PHF24: variants seen among roughly 807,000 people sequenced by gnomAD.
The protein encoded by PHF24 is PHD finger protein 24.
A neutral mutation model predicts 42.6 loss-of-function variants in PHF24; 25 were observed. The observed-to-expected ratio is 0.59, with a 90% CI of 0.43 to 0.82. The LOEUF is 0.82. Ranked by LOEUF, PHF24 falls within the 40% of genes least tolerant of loss-of-function variation. The pLI, the probability that PHF24 is intolerant of heterozygous loss-of-function variation, is 0.00. For missense variants in PHF24, 470 were observed against 538.1 expected (o/e 0.87, Z 1.25); for synonymous variants, 185 against 204.8 (o/e 0.90, Z 0.83).
the PHF24 span, among the ~76,000 whole-genome samples, chr9:34,912,988 T>C: frequency 6.6e-6 from 1 of 151,918 alleles, no homozygotes; most frequent in African/African-American, 2.4e-5. Context: ...AGCAAAGAAA[T>C]ATAAATTATA....
chr9:34,714,852 G>A, the PHF24 span, among the ~76,000 whole-genome samples: 1 of 152,142 alleles, frequency 6.6e-6, no homozygotes, highest in South Asian at 2.1e-4. Flanking sequence ...CAAGATACCT[G>A]CCTGTCTCCC....
the PHF24 span, among the ~76,000 whole-genome samples, chr9:34,670,472 A>G: frequency 6.6e-6 from 1 of 152,218 alleles, no homozygotes; most frequent in African/African-American, 2.4e-5. Context: ...ATACTTTCCC[A>G]CTGGATAGCT....
At chr9:34,768,846 C>G in the PHF24 span, among the ~76,000 whole-genome samples, 1 of 151,744 alleles carries the variant, frequency 6.6e-6, no homozygotes, top group African/African-American at 2.4e-5. Context: ...GACTGTATTC[C>G]TGAAAAACCC....
the PHF24 span, among the ~76,000 whole-genome samples, chr9:34,883,462 C>T: frequency 2.0e-5 from 3 of 152,092 alleles, no homozygotes; most frequent in African/African-American, 7.2e-5. Flanking sequence ...TACAGTCTAC[C>T]CATCTGACAA....
chr9:34,714,631 T>C, the PHF24 span, among the ~76,000 whole-genome samples: 2 of 152,178 alleles, frequency 1.3e-5, no homozygotes, highest in South Asian at 4.1e-4. Flanking sequence ...CCTATTCTGC[T>C]CCCCATCCCA....
the PHF24 span, among the ~76,000 whole-genome samples, chr9:34,908,088 G>A: frequency 7.2e-5 from 11 of 152,036 alleles, no homozygotes; most frequent in South Asian, 2.1e-4. Context: ...TGATCTGCCC[G>A]CCTCGGCCTC....
At chr9:34,734,372 C>T in the PHF24 span, among the ~76,000 whole-genome samples, 62 of 152,288 alleles carry the variant, frequency 4.1e-4, no homozygotes, top group Non-Finnish European at 2.4e-4. Flanking sequence ...GTCCTTTCCA[C>T]GAACCTTAGT....
chr9:34,915,407 C>CT, the PHF24 span, among the ~76,000 whole-genome samples: 29,008 of 144,940 alleles, frequency 0.2, 2,842 homozygotes, highest in South Asian at 0.26. Context: ...GCAGGTTGGC[C>CT]TTTTTTTTTT....
At chr9:34,800,438 CA>C in the PHF24 span, among the ~76,000 whole-genome samples, 3 of 152,064 alleles carry the variant, frequency 2.0e-5, no homozygotes, top group African/African-American at 7.2e-5. Flanking sequence ...CTACAGTAAC[CA>C]AAACAGCATG....
the PHF24 span, among the ~76,000 whole-genome samples, chr9:34,673,260 CAGG>C: frequency 1.6e-3 from 247 of 150,280 alleles, 1 homozygote; most frequent in African/African-American, 5.6e-3. Context: ...AGAGATGAGG[CAGG>C]AGGATTCTCT....
the PHF24 span, among the ~76,000 whole-genome samples, chr9:34,715,938 GA>G: frequency 6.6e-6 from 1 of 152,230 alleles, no homozygotes; most frequent in Non-Finnish European, 1.5e-5. Flanking sequence ...CAGGGCAGCA[GA>G]TGCTCCCAGC....
At chr9:34,919,440 C>T in the PHF24 span, among the ~76,000 whole-genome samples, 1 of 152,050 alleles carries the variant, frequency 6.6e-6, no homozygotes, top group African/African-American at 2.4e-5. Context: ...ATTAGCGAAC[C>T]TCTGTGCATC....
chr9:34,922,296 T>C, the PHF24 span: 2 of 1,593,300 alleles, frequency 1.3e-6, no homozygotes. Context: ...TTTGGATGAC[T>C]CTTCACTTAA....
At chr9:34,705,655 G>A in the PHF24 span, among the ~76,000 whole-genome samples, 1 of 152,196 alleles carries the variant, frequency 6.6e-6, no homozygotes, top group Non-Finnish European at 1.5e-5. Context: ...AGTGAGAAGT[G>A]AAAATAAAGG....
the PHF24 span, chr9:34,709,458 T>A: frequency 6.2e-7 from 1 of 1,613,372 alleles, no homozygotes; most frequent in Admixed American, 1.7e-5. Context: ...TGTGAGGGGC[T>A]GACTGAGGCT....
At chr9:34,679,063 A>G in the PHF24 span, among the ~76,000 whole-genome samples, 5 of 152,374 alleles carry the variant, frequency 3.3e-5, no homozygotes, top group African/African-American at 9.6e-5. Context: ...TGCATCTAAG[A>G]AAGTCCAACC....
chr9:34,921,180 T>G, the PHF24 span, among the ~76,000 whole-genome samples: 1 of 151,992 alleles, frequency 6.6e-6, no homozygotes, highest in African/African-American at 2.4e-5. Flanking sequence ...CCCAGTTGTT[T>G]TTTTTTTCCA....
the PHF24 span, among the ~76,000 whole-genome samples, chr9:34,804,734 A>T: frequency 6.6e-6 from 1 of 152,198 alleles, no homozygotes; most frequent in Non-Finnish European, 1.5e-5. Flanking sequence ...AGACTATAGC[A>T]TGCATACCAA....
chr9:34,669,978 A>G, the PHF24 span, among the ~76,000 whole-genome samples: 10 of 152,142 alleles, frequency 6.6e-5, no homozygotes, highest in African/African-American at 2.4e-4. Flanking sequence ...GAATTCAGGT[A>G]TGTGGCCAAT....
Sources: gnomAD v4.1 joint callset for allele counts (sites outside exome capture counted in the v4.1 genomes callset) on GRCh38, gnomAD v4.1.1 for gene constraint, MANE v1.5 for transcripts, NCBI Gene and HGNC (gene_info 2026-07-23, HGNC 2026-07-21) for gene names.